Variants in URB1 observed in about 807,000 individuals in gnomAD.
URB1 encodes the protein URB1 ribosome biogenesis factor, also known as nucleolar pre-ribosomal-associated protein 1.
A neutral mutation model predicts 242.3 loss-of-function variants in URB1; 197 were observed. That is an observed-to-expected ratio of 0.81 (90% CI 0.72 to 0.91). The LOEUF (loss-of-function observed/expected upper bound fraction) is 0.91. URB1 is among the 40% of genes least tolerant of loss of function. The pLI is 0.00. For synonymous variants in URB1, 1,153 were observed against 1,201.8 expected, an observed-to-expected ratio of 0.96 and a Z score of 0.84; for missense variants, 2,721 against 2,860.5, an observed-to-expected ratio of 0.95 and a Z score of 1.11.
rs1394500526 is a variant in URB1 at position 32,347,722 on chromosome 21, G to A, written c.3102C>T (p.His1034=). 10 of 1,550,576 alleles carry A rather than the reference G, an allele frequency of 6.4e-6. No individual in the cohort carries two copies. The East Asian group carries it at 1.2e-4, about 19-fold the overall frequency. ...LALEQQALPP[H]TLSPVLVKLL... Reference sequence around the variant, plus strand: ...GCTTCACGAGGACAGGGCTGAGCGTGTGCGGCGGGAGGGCCTGCTGCTCCA... The same window carrying A: ...GCTTCACGAGGACAGGGCTGAGCGTATGCGGCGGGAGGGCCTGCTGCTCCA... The change falls in exon 22 of 39, where the codon CAC becomes CAT. Residue 1034 remains histidine (H), a synonymous_variant. Transcript: ENST00000382751.
Position 32,344,561 on chromosome 21 carries a change from G to A in URB1, c.4257+9C>T. On this transcript the variant is annotated intron_variant, in intron 24 of 38. Coordinates refer to ENST00000382751, the MANE Select transcript of URB1 (RefSeq NM_014825.3). ...AATTTAATCTGGATCTCTAAGAAAA[G>A]ACACTTACCAACAACGCATTTAATC... is the stretch of plus-strand genomic sequence containing the variant. 1 of 1,551,286 alleles carries A rather than the reference G, an allele frequency of 6.4e-7. No individual in the cohort carries two copies. Among genetic ancestry groups the A allele is most frequent in the Non-Finnish European group, 8.7e-7 (1 of 1,146,648 alleles).
At chr21:32,377,895 C>T (rs1042707313) in intron 5 of URB1, among the ~76,000 whole-genome samples, 7 of 152,018 alleles carry the variant, frequency 4.6e-5, no homozygotes, top group Non-Finnish European at 7.4e-5. Context: ...TAAGTGCTGC[C>T]ATTTATCATC....
In URB1 at chr21:32,338,849, C is replaced by T; in HGVS notation, c.4368G>A (p.Gln1456=). 6.4e-7 allele frequency: 1 copy of T among 1,551,732 alleles called. No individual in the cohort carries two copies. Among genetic ancestry groups the T allele is most frequent in the East Asian group, 2.4e-5 (1 of 40,918 alleles). The change falls in exon 26 of 39, where the codon CAG becomes CAA. Residue 1456 remains glutamine (Q), a synonymous_variant. Transcript: ENST00000382751. ...CGGAGCTTTCTGGGCTGTACAGGAG[C>T]TGTACGGCGGTGAGGAGCATCTTTA... is the stretch of plus-strand genomic sequence containing the variant. ...TFLKMLLTAV[Q]LLYSPESSVR... is the part of the protein sequence containing the mutation.
In URB1 at chr21:32,315,781, G is replaced by C. The variant is rs1481837141; in HGVS notation, c.6635-682C>G. ...GAGGAGAAAGCTTGCAGGCAAAAAG[G>C]CTCAATTCCCCAACTGCGGCCAGAC... is the stretch of plus-strand genomic sequence containing the variant. On this transcript the variant is annotated intron_variant, in intron 38 of 38. Transcript: ENST00000382751. 2.0e-5 allele frequency among the ~76,000 whole-genome samples: 3 copies of C among 152,142 alleles called. No individual in the cohort carries two copies. In the East Asian group the frequency reaches 5.8e-4, roughly 29 times the overall value.
chr21:32,340,475 T>C (rs1273566829), intron 25 of URB1, among the ~76,000 whole-genome samples: 1 of 151,994 alleles, frequency 6.6e-6, no homozygotes, highest in East Asian at 1.9e-4. Context: ...TAGCCGAGCA[T>C]GGTGGTGCGT....
chr21:32,375,815 G>A (rs1022154260), intron 5 of URB1, among the ~76,000 whole-genome samples: 2 of 151,960 alleles, frequency 1.3e-5, no homozygotes, highest in African/African-American at 4.8e-5. Context: ...GTATGGTGGT[G>A]CGCACCTGTA....
At chr21:32,346,564 G>A (rs1358689038) in intron 22 of URB1, among the ~76,000 whole-genome samples, 1 of 152,170 alleles carries the variant, frequency 6.6e-6, no homozygotes, top group Non-Finnish European at 1.5e-5. Context: ...AGGCTGCCTC[G>A]ACTCAACATC....
chr21:32,338,682 T>C (rs776131284), intron 26 of URB1, 25 bp downstream of exon 26: 59 of 1,549,888 alleles, frequency 3.8e-5, no homozygotes, highest in Non-Finnish European at 4.4e-5. Flanking sequence ...GGATACGGAA[T>C]GGAAGGGCTG....
intron 8 of URB1, among the ~76,000 whole-genome samples, chr21:32,369,718 C>T (rs150270621): frequency 3.9e-5 from 6 of 152,080 alleles, no homozygotes; most frequent in Non-Finnish European, 7.4e-5. Flanking sequence ...CAAGACAGCA[C>T]GAGGTCTTTG....
At chr21:32,378,615 C>T in intron 4 of URB1, 74 bp from the exon 5 acceptor site, 1 of 1,204,270 alleles carries the variant, frequency 8.3e-7, no homozygotes. Flanking sequence ...ACACAGTGGC[C>T]AAGCACACCC....
chr21:32,311,634 C>A lies in URB1; in HGVS notation c.*3284G>T. On this transcript the variant is annotated 3_prime_UTR_variant, in exon 39 of 39. Transcript: ENST00000382751. Reference sequence around the variant, plus strand: ...AAACCCCCCAGCCCCACAGTATGGACTGTTCTGCAGCAACTATGATGCCTG... The same window carrying A: ...AAACCCCCCAGCCCCACAGTATGGAATGTTCTGCAGCAACTATGATGCCTG... The A allele has an allele frequency of 2.5e-6, 4 of 1,599,936 alleles. No homozygotes were observed. The highest frequency in any genetic ancestry group is 3.4e-6 in the Non-Finnish European group (4 of 1,173,352).
rs1158931094 is a variant in URB1 at position 32,347,515 on chromosome 21, C to G, written c.3309G>C (p.Pro1103=). The change falls in exon 22 of 39, where the codon CCG becomes CCC. Residue 1103 remains proline, a synonymous_variant. Transcript: ENST00000382751. ...GCAGCTCCTGCAGGGCCTCCAGCTG[C>G]GGCGGGGTCTTTGGTGGTGATGTGG... ...GPATSPPKTP[P]QLEALQELHP... 5 of 1,551,302 alleles carry G rather than the reference C, an allele frequency of 3.2e-6. No individual in the cohort carries two copies. In the East Asian group the frequency reaches 1.2e-4, roughly 38 times the overall value.
chr21:32,356,948 G>A (rs2033227940), intron 15 of URB1, among the ~76,000 whole-genome samples: 1 of 152,244 alleles, frequency 6.6e-6, no homozygotes, highest in African/African-American at 2.4e-5. Context: ...AAGGCTGTAA[G>A]TGTAGCAAGG....
chr21:32,328,906 G>A (rs1033747758), intron 30 of URB1, among the ~76,000 whole-genome samples: 2 of 152,256 alleles, frequency 1.3e-5, no homozygotes, highest in East Asian at 3.9e-4. Flanking sequence ...TAGCAACGTG[G>A]CCTTAACAGA....
chr21:32,349,707 C>T (rs1297818606), intron 20 of URB1, among the ~76,000 whole-genome samples: 4 of 152,230 alleles, frequency 2.6e-5, no homozygotes, highest in Admixed American at 2.0e-4. Context: ...TTTGACTAAA[C>T]TGAAAGGGAC....
chr21:32,378,376 G>T, intron 5 of URB1, 69 bp downstream of exon 5: 1 of 1,414,932 alleles, frequency 7.1e-7, no homozygotes, highest in Admixed American at 2.0e-5. Context: ...TTTGAACTTG[G>T]AAGAAACGGT....
At chr21:32,324,831 T>A (rs1169131517) in intron 31 of URB1, among the ~76,000 whole-genome samples, 2 of 152,178 alleles carry the variant, frequency 1.3e-5, no homozygotes. Context: ...CAGAGAGAAG[T>A]CTGGCACCAT....
rs1289848854 is a variant in URB1, at chr21:32,350,799, G to T, written c.2737C>A (p.Gln913Lys). The T allele has an allele frequency of 2.6e-6, 4 of 1,551,510 alleles. No homozygotes were observed. The East Asian group carries it at 7.3e-5, about 28-fold the overall frequency. The change falls in exon 20 of 39, where the codon CAG becomes AAG. Residue 913 changes from glutamine (Q) to lysine (K), a missense_variant. Physicochemically the swap from Gln to Lys is moderately conservative, Grantham distance 53. Transcript: ENST00000382751. ...ATGGACAGGTGTGGCATGGTGGCCT[G>T]CAGCTGCACCTGGATGTGCTCGTCC... ...LRDEHIQVQL[Q>K]ATMPHLSMQQ...
rs141390856 is a variant in URB1 at position 32,390,854 on chromosome 21, A to T, written c.142+1915T>A. On this transcript the variant is annotated intron_variant, in intron 1 of 38. Coordinates refer to ENST00000382751, the MANE Select transcript of URB1 (RefSeq NM_014825.3). The stretch of plus-strand genomic sequence containing the variant: ...ACTAGAAATACCATTTGACCCAGTC[A>T]TCCCATTACTGGGTATATACCCAAA... Among the ~76,000 whole-genome samples the T allele has an allele frequency of 7.7e-3, 1,166 of 152,340 alleles. 19 individuals carry two copies. The highest frequency in any genetic ancestry group is 0.027 in the Middle Eastern group (8 of 294).
Sources: allele counts gnomAD v4.1 joint callset (sites outside exome capture counted in the v4.1 genomes callset), GRCh38; gene constraint gnomAD v4.1.1; transcripts MANE v1.5; gene names NCBI Gene and HGNC (gene_info 2026-07-23, HGNC 2026-07-21).